The following GAPVD1 variants were observed in gnomAD, a reference collection of about 807,000 sequenced individuals.
GAPVD1 encodes the protein GTPase-activating protein and VPS9 domain-containing protein 1.
A neutral mutation model predicts 155.5 loss-of-function variants in GAPVD1; 35 were observed. That is an observed-to-expected ratio of 0.23 (90% CI 0.17 to 0.30). GAPVD1 has a LOEUF of 0.30. Among genes scored for constraint, GAPVD1 ranks in the 10% least tolerant of loss-of-function variants. The probability of loss-of-function intolerance (pLI) is 1.00; values close to 1 mark genes in which losing one functional copy is unlikely to be tolerated. For missense variants in GAPVD1, 1,429 were observed against 1,775.7 expected, an observed-to-expected ratio of 0.80 and a Z score of 3.51; for synonymous variants, 636 against 619.7, an observed-to-expected ratio of 1.03 and a Z score of -0.39.
Position 125,362,633 on chromosome 9 carries a change from G to A in GAPVD1, c.4270G>A (p.Val1424Met). ...AAATCCACCCTGTTTGCTGTCTACT[G>A]TGCAGTATATCAGTAGCTTTTATGC... ...KANPPCLLST[V>M]QYISSFYASC... is the part of the protein sequence containing the mutation. The change falls in exon 28 of 28, where the codon GTG (valine) becomes ATG (methionine). Residue 1424 changes from valine to methionine, a missense_variant. Physicochemically the swap from Val to Met is conservative, Grantham distance 21 (BLOSUM62 1). Around this residue, in one of 4 missense-constraint regions of GAPVD1, gnomAD observed 102 missense variants for 196.5 expected, o/e 0.52. Coordinates refer to ENST00000297933, the MANE Select transcript of GAPVD1 (RefSeq NM_001282680.3). 6.2e-7 allele frequency: 1 copy of A among 1,612,536 alleles called. No individual in the cohort carries two copies. The highest frequency in any genetic ancestry group is 8.5e-7 in the Non-Finnish European group (1 of 1,179,124).
At chr9:125,293,301 A>G (rs900815847) in intron 2 of GAPVD1, among the ~76,000 whole-genome samples, 1 of 152,102 alleles carries the variant, frequency 6.6e-6, no homozygotes, top group Non-Finnish European at 1.5e-5. Context: ...TCCTTTCATC[A>G]TACCTGTAGT....
At chr9:125,304,794 C>CT (rs531318495) in intron 5 of GAPVD1, among the ~76,000 whole-genome samples, 99 of 152,158 alleles carry the variant, frequency 6.5e-4, no homozygotes, top group Non-Finnish European at 1.3e-3. Flanking sequence ...ATGTATTGTG[C>CT]TTTTTTTCCC....
At chr9:125,317,668 G>A (rs1843661177) in intron 9 of GAPVD1, among the ~76,000 whole-genome samples, 1 of 150,680 alleles carries the variant, frequency 6.6e-6, no homozygotes, top group African/African-American at 2.4e-5. Flanking sequence ...AAAGAAAATG[G>A]CCTTGATGAA....
chr9:125,308,988 A>G (rs577684208), intron 8 of GAPVD1: 1 of 152,350 alleles, frequency 6.6e-6, no homozygotes, highest in South Asian at 2.1e-4. Context: ...GACAAAGTAA[A>G]CAAGATGAGG....
Position 125,278,049 on chromosome 9 carries a change from A to G in GAPVD1, c.-150+9065A>G, listed in dbSNP as rs116416256. 5.0e-3 allele frequency among the ~76,000 whole-genome samples: 761 copies of G among 152,310 alleles called. 9 individuals carry two copies. The highest frequency in any genetic ancestry group is 0.017 in the African/African-American group (714 of 41,578). On this transcript the variant is annotated intron_variant, in intron 2 of 27. Transcript: ENST00000297933. Reference sequence around the variant, plus strand: ...GACAATTTTTAGATCATGTAATTTCACAAAACATAAAATGAGCAAGAAACT... The same window carrying G: ...GACAATTTTTAGATCATGTAATTTCGCAAAACATAAAATGAGCAAGAAACT...
chr9:125,277,155 A>T (rs1230154504), intron 2 of GAPVD1, among the ~76,000 whole-genome samples: 9 of 152,210 alleles, frequency 5.9e-5, no homozygotes. Context: ...GCTCTTTATC[A>T]GTCAGTCATT....
At chr9:125,349,546 T>G (rs1352779943) in intron 21 of GAPVD1, 27 bp downstream of exon 21, 17 of 1,607,560 alleles carry the variant, frequency 1.1e-5, no homozygotes, top group Non-Finnish European at 1.4e-5. Flanking sequence ...ATTTGGGACT[T>G]TAGGGTTTGG....
intron 15 of GAPVD1, among the ~76,000 whole-genome samples, chr9:125,333,449 T>C (rs1159331811): frequency 1.3e-5 from 2 of 151,802 alleles, no homozygotes; most frequent in African/African-American, 2.4e-5. Flanking sequence ...GCAGTGGTTT[T>C]ATATATTGGG....
chr9:125,279,841 A>G (rs1383242184), intron 2 of GAPVD1, among the ~76,000 whole-genome samples: 1 of 150,664 alleles, frequency 6.6e-6, no homozygotes, highest in East Asian at 2.1e-4. Flanking sequence ...GCTCCCTGCA[A>G]CCTATGCTTC....
rs754720493 is a variant in GAPVD1, at chr9:125,332,574, T to C, written c.2373T>C (p.Ser791=). The part of the protein sequence containing the change: ...KIEDLRSECS[S]DFGGKDSVTS... ...AAGACCTGAGATCTGAGTGCAGCTC[T>C]GATTTTGGGGGTAAAGATTCTGTCA... Residue 791 remains serine, a synonymous_variant, in exon 15 of 28, where the codon TCT becomes TCC. Transcript: ENST00000297933. The C allele has an allele frequency of 1.9e-6, 3 of 1,607,660 alleles. No individual in the cohort carries two copies. The highest frequency in any genetic ancestry group is 8.5e-7 in the Non-Finnish European group (1 of 1,174,712).
At chr9:125,275,692 GTTGC>G (rs1835665443) in intron 2 of GAPVD1, among the ~76,000 whole-genome samples, 1 of 152,156 alleles carries the variant, frequency 6.6e-6, no homozygotes, top group Non-Finnish European at 1.5e-5. Flanking sequence ...GGAGGTTGAG[GTTGC>G]AGTAAGCTGT....
intron 2 of GAPVD1, among the ~76,000 whole-genome samples, chr9:125,277,202 A>G (rs1835927238): frequency 6.6e-6 from 1 of 152,212 alleles, no homozygotes. Context: ...TTCATTCAGC[A>G]CCTGCTAAAT....
At chr9:125,350,982 G>C (rs1191953372) in intron 23 of GAPVD1, 110 bp downstream of exon 23, 1 of 831,266 alleles carries the variant, frequency 1.2e-6, no homozygotes, top group African/African-American at 1.7e-5. Flanking sequence ...GTGCTTGGCT[G>C]TATTTTCCTG....
intron 2 of GAPVD1, among the ~76,000 whole-genome samples, chr9:125,287,605 T>C (rs1330788057): frequency 1.3e-5 from 2 of 152,180 alleles, no homozygotes; most frequent in Non-Finnish European, 2.9e-5. Context: ...AGGGGTGGAT[T>C]GAAGCAAGAT....
At position 125,295,553 on chromosome 9, in the gene GAPVD1, C is replaced by A. The variant is rs1208585985; in HGVS notation, c.-54C>A. 6.6e-6 allele frequency: 1 copy of A among 151,444 alleles called. No homozygotes were observed. The highest frequency in any genetic ancestry group is 1.5e-5 in the Non-Finnish European group (1 of 67,978). The allele number at this position is 151,444 out of a possible 1,614,324, so 9.4% of individuals were successfully genotyped here. ...GTTCAAGCGATCCTCCCATCTGACC[C>A]TCCCAAGTAGCTGGCATTCAGGTAT... On this transcript the variant is annotated 5_prime_UTR_variant, in exon 3 of 28. Transcript: ENST00000297933.
chr9:125,335,348 C>T (rs987976868), intron 15 of GAPVD1: 16 of 499,968 alleles, frequency 3.2e-5, no homozygotes, highest in Non-Finnish European at 5.0e-5. Flanking sequence ...ATTTTTAATG[C>T]TTTTTTGTGT....
chr9:125,324,440 A>G (rs1215300695), intron 11 of GAPVD1, among the ~76,000 whole-genome samples: 1 of 152,070 alleles, frequency 6.6e-6, no homozygotes, highest in African/African-American at 2.4e-5. Flanking sequence ...AAAATACAAA[A>G]TTAGCCAGGG....
At chr9:125,301,173 G>A (rs1840794118) in intron 4 of GAPVD1, among the ~76,000 whole-genome samples, 2 of 151,884 alleles carry the variant, frequency 1.3e-5, no homozygotes, top group South Asian at 4.2e-4. Context: ...GAGCTCAAGC[G>A]ATTTTCCCAC....
intron 14 of GAPVD1, 29 bp from the exon 15 acceptor site, chr9:125,332,480 CT>C: frequency 6.6e-7 from 1 of 1,525,190 alleles, no homozygotes; most frequent in Non-Finnish European, 8.9e-7. Context: ...GTTCTTCTTC[CT>C]GTTTATTTTT....
Sources: gnomAD v4.1 joint callset for allele counts (sites outside exome capture counted in the v4.1 genomes callset) on GRCh38, gnomAD v4.1.1 for gene constraint, gnomAD v4.1.1 regional missense constraint, MANE v1.5 for transcripts, NCBI Gene and HGNC (gene_info 2026-07-23, HGNC 2026-07-21) for gene names.